The following MROH6 variants were observed in gnomAD, a reference collection of about 807,000 sequenced individuals.
The protein encoded by MROH6 is maestro heat like repeat family member 6.
In MROH6, 62 loss-of-function variants were observed where a neutral mutation model predicts 67.7. That is an observed-to-expected ratio of 0.92 (90% CI 0.75 to 1.13). The LOEUF (loss-of-function observed/expected upper bound fraction) is 1.13, where lower values mean the gene tolerates loss of function less well. MROH6 is among the 50% of genes most tolerant of loss of function. The probability of loss-of-function intolerance (pLI) is 0.00; values close to 1 mark genes in which losing one functional copy is unlikely to be tolerated. For synonymous variants in MROH6, 566 were observed against 470.8 expected (o/e 1.20, Z -2.62); for missense variants, 1,175 against 1,029.1 (o/e 1.14, Z -1.94).
chr8:143,570,695 C>T, intron 4 of MROH6, 38 bp from the exon 5 acceptor site: 1 of 1,563,772 alleles, frequency 6.4e-7, no homozygotes, highest in Non-Finnish European at 8.6e-7. Context: ...TGGGGCACGC[C>T]TGGAGCTGCA....
Position 143,569,737 on chromosome 8 carries a change from C to T in MROH6, c.1262G>A (p.Gly421Asp). The stretch of plus-strand genomic sequence containing the variant: ...CGCGAGGTGGCCCAGGCCCAGCAGG[C>T]CCAACCAGCGCACAGTGGGTTCGGG... ...GDPEPTVRWL[G>D]LLGLGHLALN... The change falls in exon 8 of 14, where the codon GGC becomes GAC. Residue 421 changes from glycine to aspartate, a missense_variant. Gly to Asp is a moderately conservative substitution (Grantham distance 94). Transcript: ENST00000398882. 1 of 1,613,216 alleles carries T rather than the reference C, an allele frequency of 6.2e-7. No homozygotes were observed. The highest frequency in any genetic ancestry group is 1.1e-5 in the South Asian group (1 of 91,086).
Position 143,569,753 on chromosome 8 carries a change from T to C in MROH6, c.1246A>G (p.Thr416Ala). 6.2e-7 allele frequency: 1 copy of C among 1,613,144 alleles called. No individual in the cohort carries two copies. Among genetic ancestry groups the C allele is most frequent in the Non-Finnish European group, 8.5e-7 (1 of 1,179,714 alleles). ...LLTWQGDPEP[T>A]VRWLGLLGLG... is the part of the protein sequence containing the mutation. The stretch of plus-strand genomic sequence containing the variant: ...CCCAGCAGGCCCAACCAGCGCACAG[T>C]GGGTTCGGGGTCTCCCTGCCAGGTG... The change falls in exon 8 of 14, where the codon ACT becomes GCT. Residue 416 changes from threonine (T) to alanine (A), a missense_variant. Coordinates refer to ENST00000398882, the MANE Select transcript of MROH6 (RefSeq NM_001100878.2).
Position 143,572,407 on chromosome 8 carries a change from C to T in MROH6, c.294+14G>A, listed in dbSNP as rs370327236. 8 of 1,544,946 alleles carry T rather than the reference C, an allele frequency of 5.2e-6. No individual in the cohort carries two copies. The highest frequency in any genetic ancestry group is 7.0e-6 in the Non-Finnish European group (8 of 1,147,970). On this transcript the variant is annotated intron_variant, in intron 1 of 13. Transcript: ENST00000398882. Reference sequence around the variant, plus strand: ...CAGGCCGGTTCGCACAACATCCCTTCCCTCCCCCGTCACCTGGTGGGGCCC... The same window carrying T: ...CAGGCCGGTTCGCACAACATCCCTTTCCTCCCCCGTCACCTGGTGGGGCCC...
At position 143,571,125 on chromosome 8, in the gene MROH6, T is replaced by C. The variant is rs1824011273; in HGVS notation, c.603-131A>G. ...GGAGGGGCAGGAAACCCCTCCCATC[T>C]CCCCCCATCCCCAAATCTCAGAGAA... On this transcript the variant is annotated intron_variant, in intron 3 of 13. Transcript: ENST00000398882. 9.2e-6 allele frequency: 6 copies of C among 648,902 alleles called. No homozygotes were observed. In the South Asian group the frequency reaches 9.4e-5, roughly 10 times the overall value. 40.2% of individuals were successfully genotyped at this position (648,902 alleles called of 1,614,324 possible). A position where few individuals can be genotyped will look rare whatever the true frequency, so the allele number is the denominator to read the frequency against.
chr8:143,568,075 G>A (rs960021481), intron 11 of MROH6, 67 bp downstream of exon 11: 12 of 1,534,048 alleles, frequency 7.8e-6, no homozygotes, highest in African/African-American at 2.7e-5. Flanking sequence ...TGGGGGCCCC[G>A]GTGAACCCTG....
chr8:143,571,088 G>A, intron 3 of MROH6, 94 bp from the exon 4 acceptor site: 1 of 968,698 alleles, frequency 1.0e-6, no homozygotes, highest in Non-Finnish European at 1.6e-6. Context: ...CAGCCAGTAG[G>A]ACTCCAGCAG....
At chr8:143,571,076 G>T in intron 3 of MROH6, 82 bp from the exon 4 acceptor site, 1 of 1,176,504 alleles carries the variant, frequency 8.5e-7, no homozygotes, top group Non-Finnish European at 1.2e-6. Context: ...CCAGGGTGGA[G>T]GCAGCCAGTA....
chr8:143,568,069 G>T, intron 11 of MROH6, 73 bp downstream of exon 11: 1 of 1,527,002 alleles, frequency 6.5e-7, no homozygotes, highest in Non-Finnish European at 8.8e-7. Flanking sequence ...AACGGTTGGG[G>T]GCCCCGGTGA....
rs35592735 is a variant in MROH6, at chr8:143,568,538, C to G, written c.1644+14G>C. The G allele has an allele frequency of 1.9e-3, 2,886 of 1,514,918 alleles. 36 individuals carry two copies. The African/African-American group carries it at 0.034, about 18-fold the overall frequency. The allele number at this position is 1,514,918 out of a possible 1,614,324, so 93.8% of individuals were successfully genotyped here. A position where few individuals can be genotyped will look rare whatever the true frequency, so the allele number is the denominator to read the frequency against. On this transcript the variant is annotated intron_variant, in intron 10 of 13. Coordinates refer to ENST00000398882, the MANE Select transcript of MROH6 (RefSeq NM_001100878.2). ...GGATGGCATAGGGGTGGGATGGTGT[C>G]GGGGGCTGCTGACCTCAGCAGCGTC...
Position 143,567,657 on chromosome 8 carries a change from G to A in MROH6, c.1887C>T (p.Ala629=). The A allele has an allele frequency of 6.3e-7, 1 of 1,576,434 alleles. No homozygotes were observed. Residue 629 remains alanine, a synonymous_variant, in exon 13 of 14, where the codon GCC becomes GCT. Coordinates refer to ENST00000398882, the MANE Select transcript of MROH6 (RefSeq NM_001100878.2). ...GGTCCTGGTTGACACAGCCGGGGCT[G>A]GCGTGGTGGACAAGGAAGCCTGGAC... ...AVLIGFLVHH[A]SPGCVNQDLL...
At position 143,571,655 on chromosome 8, in the gene MROH6, C is replaced by T. The variant is rs758557868; in HGVS notation, c.602+12G>A. 1.3e-5 allele frequency: 20 copies of T among 1,560,440 alleles called. No homozygotes were observed. Among genetic ancestry groups the T allele is most frequent in the Admixed American group, 3.8e-5 (2 of 52,598 alleles). On this transcript the variant is annotated intron_variant, in intron 3 of 13. Coordinates refer to ENST00000398882, the MANE Select transcript of MROH6 (RefSeq NM_001100878.2). ...CCGCGTGGGGACCGCAGGGCCAGGA[C>T]GGTTGGGTTACCGATCGGCGGGCAG...
intron 11 of MROH6, 93 bp downstream of exon 11, chr8:143,568,049 C>T (rs1823733126): frequency 1.1e-5 from 16 of 1,503,686 alleles, no homozygotes; most frequent in Non-Finnish European, 1.3e-5. Flanking sequence ...TCTGGTTTGG[C>T]TGCAGTAGAA....
At position 143,572,703 on chromosome 8, in the gene MROH6, AC is replaced by A; in HGVS notation, c.11del (p.Gly4ValfsTer16). The A allele has an allele frequency of 6.8e-7, 1 of 1,478,268 alleles. No homozygotes were observed. 91.6% of individuals were successfully genotyped at this position (1,478,268 alleles called of 1,614,324 possible). A position where few individuals can be genotyped will look rare whatever the true frequency, so the allele number is the denominator to read the frequency against. On this transcript the variant is annotated frameshift_variant, in exon 1 of 14. Coordinates refer to ENST00000398882, the MANE Select transcript of MROH6 (RefSeq NM_001100878.2). LOFTEE classifies it high-confidence loss of function. ...CCCGGGCCCGGCTCCGGCCCCACAC[AC>A]CCCCAGCCATGGCGGCCCTTGCCTG... MAG[G>X]VWGRSRAREA...
rs7010602 is a variant in MROH6 at position 143,567,380 on chromosome 8, A to G, written c.2019T>C (p.Arg673=). Residue 673 remains arginine (R), a synonymous_variant, in exon 14 of 14, where the codon CGT becomes CGC. Transcript: ENST00000398882. ...GGGGCCCGCGGGGGCAGCCCCGGGC[A>G]CGGGCCAGCATCGCCACCTGCTGAG... The part of the protein sequence containing the change: ...VSAQQVAMLA[R]ARGCPRGPRL... 1,223,169 of 1,237,632 alleles carry G rather than the reference A, an allele frequency of 0.99. 605,556 individuals carry two copies. Among genetic ancestry groups the G allele is most frequent in the East Asian group, 1 (31,466 of 31,466 alleles). The allele number at this position is 1,237,632 out of a possible 1,614,324, so 76.7% of individuals were successfully genotyped here. A position where few individuals can be genotyped will look rare whatever the true frequency, so the allele number is the denominator to read the frequency against.
At chr8:143,569,668 C>T in intron 8 of MROH6, 29 bp downstream of exon 8, 1 of 1,608,470 alleles carries the variant, frequency 6.2e-7, no homozygotes. Context: ...CGGGCCAAGC[C>T]CCTCTCCACC....
Position 143,566,521 on chromosome 8 carries a change from G to A in MROH6, c.*718C>T, listed in dbSNP as rs1823621757. 6.6e-6 allele frequency: 1 copy of A among 152,318 alleles called. No individual in the cohort carries two copies. The allele number at this position is 152,318 out of a possible 1,614,324, so 9.4% of individuals were successfully genotyped here. A position where few individuals can be genotyped will look rare whatever the true frequency, so the allele number is the denominator to read the frequency against. ...GTGGCGCGTTCCTCATTCAGCCCTGGGAGAGGTGTTGGGGTAGTGTCACAA... is the reference window on the plus strand; with the variant it reads ...GTGGCGCGTTCCTCATTCAGCCCTGAGAGAGGTGTTGGGGTAGTGTCACAA... On this transcript the variant is annotated 3_prime_UTR_variant, in exon 14 of 14. Coordinates refer to ENST00000398882, the MANE Select transcript of MROH6 (RefSeq NM_001100878.2).
Position 143,570,621 on chromosome 8 carries a change from C to A in MROH6, c.757G>T (p.Gly253Cys). 2 of 1,599,754 alleles carry A rather than the reference C, an allele frequency of 1.3e-6. No individual in the cohort carries two copies. Among genetic ancestry groups the A allele is most frequent in the Non-Finnish European group, 1.7e-6 (2 of 1,179,438 alleles). The change falls in exon 5 of 14, where the codon GGC becomes TGC. Residue 253 changes from glycine to cysteine, a missense_variant. Coordinates refer to ENST00000398882, the MANE Select transcript of MROH6 (RefSeq NM_001100878.2). ...RALGEMLAVS[G>C]CVGATRGFYP... The stretch of plus-strand genomic sequence containing the variant: ...AAGCCCCTCGTGGCTCCCACGCAGC[C>A]CGAAACAGCCAGCATCTCCCCAAGA...
chr8:143,572,243 G>C, intron 1 of MROH6, 58 bp from the exon 2 acceptor site: 1 of 1,587,654 alleles, frequency 6.3e-7, no homozygotes, highest in Non-Finnish European at 8.6e-7. Flanking sequence ...CTCTCCTCCT[G>C]GTCCCTCGGC....
chr8:143,571,685 C>A lies in MROH6; in HGVS notation c.584G>T (p.Arg195Leu), dbSNP rs562241026. Residue 195 changes from arginine to leucine, a missense_variant, in exon 3 of 14, where the codon CGC becomes CTC. Arg to Leu is a moderately radical substitution (Grantham distance 102, BLOSUM62 -2). Transcript: ENST00000398882. ...ARDVVCALLP[R>L]SLPADRVAAE... ...GGGTTACCGATCGGCGGGCAGAGAG[C>A]GGGGTAGCAGCGCACACACCACGTC... 5.3e-5 allele frequency: 83 copies of A among 1,553,910 alleles called. No individual in the cohort carries two copies. The highest frequency in any genetic ancestry group is 7.0e-5 in the Non-Finnish European group (81 of 1,149,570).
Sources: gnomAD v4.1 joint callset for allele counts on GRCh38, gnomAD v4.1.1 for gene constraint, MANE v1.5 for transcripts, NCBI Gene and HGNC (gene_info 2026-07-23, HGNC 2026-07-21) for gene names.